Variants in DHRS3 observed in about 807,000 individuals in gnomAD.
DHRS3 encodes dehydrogenase/reductase 3.
Under a neutral mutation model 27.2 loss-of-function variants are expected in DHRS3, and 14 were observed. That is an observed-to-expected ratio of 0.52 (90% CI 0.34 to 0.81). DHRS3 has a LOEUF of 0.81. Ranked by LOEUF, DHRS3 falls within the 30% of genes least tolerant of loss-of-function variation. The pLI is 0.01. For synonymous variants in DHRS3, 165 were observed against 175.9 expected, an observed-to-expected ratio of 0.94 and a Z score of 0.49; for missense variants, 322 against 406.2, an observed-to-expected ratio of 0.79 and a Z score of 1.78.
intron 5 of DHRS3, among the ~76,000 whole-genome samples, chr1:12,570,332 C>T (rs920909033): frequency 2.0e-5 from 3 of 152,206 alleles, no homozygotes; most frequent in Non-Finnish European, 4.4e-5. Flanking sequence ...GCCTTCATGG[C>T]GGGTATTTCA....
At chr1:12,572,906 C>A in intron 4 of DHRS3, 53 bp from the exon 5 acceptor site, 1 of 1,516,546 alleles carries the variant, frequency 6.6e-7, no homozygotes, top group Non-Finnish European at 8.8e-7. Context: ...ATGTGCTTAT[C>A]TGGAAGTCTT....
At chr1:12,569,028 G>A (rs1178492194) in intron 5 of DHRS3, among the ~76,000 whole-genome samples, 1 of 152,182 alleles carries the variant, frequency 6.6e-6, no homozygotes, top group Non-Finnish European at 1.5e-5. Context: ...GAACAGCCTA[G>A]CCAACATGGC....
At chr1:12,603,867 G>A (rs1192434857) in intron 1 of DHRS3, among the ~76,000 whole-genome samples, 1 of 152,182 alleles carries the variant, frequency 6.6e-6, no homozygotes, top group Non-Finnish European at 1.5e-5. Flanking sequence ...CCACACATCT[G>A]TACTCTCCAC....
intron 1 of DHRS3, among the ~76,000 whole-genome samples, chr1:12,616,306 G>C (rs557295602): frequency 2.8e-4 from 43 of 152,252 alleles, no homozygotes; most frequent in Admixed American, 1.4e-3. Flanking sequence ...TCTGGTCACC[G>C]CGTGAGTCAG....
intron 1 of DHRS3, among the ~76,000 whole-genome samples, chr1:12,584,560 G>A (rs1646675867): frequency 6.9e-6 from 1 of 144,484 alleles, no homozygotes; most frequent in Admixed American, 7.2e-5. Context: ...TTTGTTGAAT[G>A]AATGAATGAA....
intron 1 of DHRS3, among the ~76,000 whole-genome samples, chr1:12,610,164 C>T (rs912873886): frequency 6.6e-6 from 1 of 152,080 alleles, no homozygotes; most frequent in South Asian, 2.1e-4. Context: ...CTGCAACCTC[C>T]GCCTCCCAGG....
chr1:12,604,560 A>G (rs970326484), intron 1 of DHRS3, among the ~76,000 whole-genome samples: 27 of 152,176 alleles, frequency 1.8e-4, no homozygotes, highest in African/African-American at 5.5e-4. Flanking sequence ...CTCTCTCCAG[A>G]ACCCTCTGTG....
rs1352330216 is a variant in DHRS3, at chr1:12,586,400, G to A, written c.196-5734C>T. 1.3e-5 allele frequency among the ~76,000 whole-genome samples: 2 copies of A among 152,036 alleles called. No homozygotes were observed. Among genetic ancestry groups the A allele is most frequent in the East Asian group, 1.9e-4 (1 of 5,166 alleles). The stretch of plus-strand genomic sequence containing the variant: ...CCTCACATGCAACCCCACGCCCCGC[G>A]TTCATCCCCACCCAGCCAGCCTTCT... On this transcript the variant is annotated intron_variant, in intron 1 of 5. Coordinates refer to ENST00000616661, the MANE Select transcript of DHRS3 (RefSeq NM_004753.7). The surrounding 1 kb of genome is among the most constrained non-coding windows in gnomAD (Gnocchi z 5.0).
chr1:12,603,011 T>C (rs2100711368), intron 1 of DHRS3, among the ~76,000 whole-genome samples: 1 of 152,262 alleles, frequency 6.6e-6, no homozygotes, highest in Middle Eastern at 3.2e-3. Context: ...AGAAGCCTCC[T>C]GTGTCCTTTC....
At chr1:12,568,480 G>T in intron 5 of DHRS3, 56 bp from the exon 6 acceptor site, 3 of 1,551,660 alleles carry the variant, frequency 1.9e-6, no homozygotes, top group South Asian at 1.1e-5. Flanking sequence ...GGATCCAGGG[G>T]CTGGGTCGCT....
At position 12,574,642 on chromosome 1, in the gene DHRS3, G is replaced by T. The variant is rs1341259908; in HGVS notation, c.699-1789C>A. 2.0e-5 allele frequency among the ~76,000 whole-genome samples: 3 copies of T among 152,188 alleles called. No homozygotes were observed. The highest frequency in any genetic ancestry group is 2.0e-4 in the Admixed American group (3 of 15,282). On this transcript the variant is annotated intron_variant, in intron 4 of 5. Transcript: ENST00000616661. The surrounding 1 kb of genome is among the most constrained non-coding windows in gnomAD (Gnocchi z 4.6). ...TGGCCTGGCCTGTCTCTTGGGAAAG[G>T]GAAGGCAGGATGGACAGACCAAAGT...
chr1:12,605,772 T>C (rs574194855), intron 1 of DHRS3, among the ~76,000 whole-genome samples: 67 of 152,280 alleles, frequency 4.4e-4, no homozygotes, highest in Non-Finnish European at 7.6e-4. Context: ...AAATTTACAG[T>C]GAAGCTTGCT....
At chr1:12,605,717 C>G (rs1646866027) in intron 1 of DHRS3, among the ~76,000 whole-genome samples, 1 of 152,158 alleles carries the variant, frequency 6.6e-6, no homozygotes, top group African/African-American at 2.4e-5. Flanking sequence ...GAACTCCTAT[C>G]AGAGCAACAT....
chr1:12,605,847 A>G (rs910224482), intron 1 of DHRS3, among the ~76,000 whole-genome samples: 6 of 152,174 alleles, frequency 3.9e-5, no homozygotes, highest in Non-Finnish European at 8.8e-5. Flanking sequence ...TGCCCTAAAG[A>G]AATCAGCAGT....
chr1:12,575,695 C>CTAT (rs367636445), intron 4 of DHRS3, among the ~76,000 whole-genome samples: 6,699 of 151,430 alleles, frequency 0.044, 205 homozygotes, highest in East Asian at 0.17. Flanking sequence ...AAAGGGGATA[C>CTAT]TATTATTATT....
chr1:12,588,855 G>A (rs1416144576), intron 1 of DHRS3, among the ~76,000 whole-genome samples: 3 of 152,246 alleles, frequency 2.0e-5, no homozygotes, highest in Non-Finnish European at 2.9e-5. Context: ...GGCAGCCCCT[G>A]AAAGATCTGA....
intron 1 of DHRS3, among the ~76,000 whole-genome samples, chr1:12,587,712 A>C (rs953307317): frequency 2.1e-5 from 3 of 144,586 alleles, no homozygotes; most frequent in Admixed American, 1.3e-4. Flanking sequence ...GTCTCAAAAA[A>C]ACAAAAACCA....
Position 12,579,343 on chromosome 1 carries a change from C to G in DHRS3, c.409G>C (p.Asp137His), listed in dbSNP as rs1196504526. The change falls in exon 3 of 6, where the codon GAT (aspartate) becomes CAT (histidine). Residue 137 changes from aspartate to histidine, a missense_variant. By Grantham distance (81) the Asp-to-His change is moderately conservative. Transcript: ENST00000616661. The stretch of plus-strand genomic sequence containing the variant: ...TGTTGGGACTTGAGGAGGGCATCAT[C>G]ATCACTGTCCATTAGGCTCTTCCCA... ...VHGKSLMDSD[D>H]DALLKSQHIN... 2.5e-6 allele frequency: 4 copies of G among 1,614,078 alleles called. No individual in the cohort carries two copies. In the Admixed American group the frequency reaches 5.0e-5, roughly 20 times the overall value.
chr1:12,584,034 T>C (rs1392584055), intron 1 of DHRS3, among the ~76,000 whole-genome samples: 3 of 151,150 alleles, frequency 2.0e-5, no homozygotes, highest in Non-Finnish European at 4.4e-5. Flanking sequence ...TTTCCATTCT[T>C]CTGTTCTGGT....
Sources: gnomAD v4.1 joint callset for allele counts (sites outside exome capture counted in the v4.1 genomes callset) on GRCh38, gnomAD v4.1.1 for gene constraint, Gnocchi (gnomAD v3.1) non-coding constraint, MANE v1.5 for transcripts, NCBI Gene and HGNC (gene_info 2026-07-23, HGNC 2026-07-21) for gene names.